TYW1: variants seen among roughly 807,000 people sequenced by gnomAD.
TYW1 encodes the protein S-adenosyl-L-methionine-dependent tRNA 4-demethylwyosine synthase TYW1.
A neutral mutation model predicts 96.2 loss-of-function variants in TYW1; 46 were observed. The observed-to-expected ratio is 0.48, with a 90% CI of 0.38 to 0.61. The LOEUF is 0.61. Ranked by LOEUF, TYW1 falls within the 20% of genes least tolerant of loss-of-function variation. The pLI, the probability that TYW1 is intolerant of heterozygous loss-of-function variation, is 0.00. For synonymous variants in TYW1, 274 were observed against 323.0 expected, an observed-to-expected ratio of 0.85 and a Z score of 1.63; for missense variants, 684 against 909.6, an observed-to-expected ratio of 0.75 and a Z score of 3.19.
chr7:67,217,286 A>T (rs1163685029), intron 15 of TYW1, among the ~76,000 whole-genome samples: 1 of 151,940 alleles, frequency 6.6e-6, no homozygotes, highest in South Asian at 2.1e-4. Flanking sequence ...CAGTTTGTCT[A>T]TTCTTTCTTT....
chr7:67,125,507 C>T (rs1797885858), intron 13 of TYW1, among the ~76,000 whole-genome samples: 1 of 152,084 alleles, frequency 6.6e-6, no homozygotes, highest in Non-Finnish European at 1.5e-5. Flanking sequence ...TACATTACCT[C>T]CTTATCAACA....
chr7:67,123,161 A>G (rs1797811320), intron 13 of TYW1, among the ~76,000 whole-genome samples: 2 of 152,076 alleles, frequency 1.3e-5, no homozygotes, highest in African/African-American at 2.4e-5. Flanking sequence ...GCCAAAGTCT[A>G]TTCTTGAGCC....
chr7:67,108,807 T>C (rs7782527), intron 12 of TYW1, among the ~76,000 whole-genome samples: 44,598 of 151,880 alleles, frequency 0.29, 7,310 homozygotes, highest in African/African-American at 0.44. Flanking sequence ...GGCCATTTGC[T>C]GAACATTATA....
At chr7:67,060,013 T>A (rs1795645698) in intron 9 of TYW1, among the ~76,000 whole-genome samples, 1 of 151,852 alleles carries the variant, frequency 6.6e-6, no homozygotes. Context: ...TCTCAAGTGA[T>A]CTACCTGCCT....
intron 7 of TYW1, among the ~76,000 whole-genome samples, chr7:67,029,407 G>GTATATATATACATATATATATATATACA (rs1453768398): frequency 1.0e-5 from 1 of 96,228 alleles, no homozygotes. Flanking sequence ...GTGTGTGTGT[G>GTATATATATACATATATATATATATACA]TGTGTGTGTA....
intron 13 of TYW1, among the ~76,000 whole-genome samples, chr7:67,182,267 A>G (rs974940616): frequency 6.6e-6 from 1 of 152,114 alleles, no homozygotes; most frequent in Non-Finnish European, 1.5e-5. Context: ...GTCTAATTAC[A>G]TTTTCAGAAA....
chr7:67,111,198 T>G (rs1273320025), intron 12 of TYW1, among the ~76,000 whole-genome samples: 1 of 152,012 alleles, frequency 6.6e-6, no homozygotes, highest in African/African-American at 2.4e-5. Context: ...CAGGAAAGCA[T>G]TTTCTTATCC....
chr7:67,215,172 C>T (rs1801162983), intron 15 of TYW1, among the ~76,000 whole-genome samples: 1 of 150,950 alleles, frequency 6.6e-6, no homozygotes, highest in Admixed American at 6.6e-5. Flanking sequence ...CTCCACCTGT[C>T]TGTCTGTCTT....
chr7:67,083,519 A>G lies in TYW1; in HGVS notation c.1364A>G (p.Asn455Ser), dbSNP rs201557131. 1.8e-5 allele frequency: 29 copies of G among 1,614,162 alleles called. No individual in the cohort carries two copies. In the East Asian group the frequency reaches 6.2e-4, roughly 35 times the overall value. Residue 455 changes from asparagine (N) to serine (S), a missense_variant, in exon 11 of 16, where the codon AAC becomes AGC. Physicochemically the swap from Asn to Ser is conservative, Grantham distance 46 (BLOSUM62 1). Coordinates refer to ENST00000359626, the MANE Select transcript of TYW1 (RefSeq NM_018264.4). ...ILKEAIENHQNMIKQFKGVPG... is the reference protein window; with the variant it reads ...ILKEAIENHQSMIKQFKGVPG... ...AAGGAAGCCATTGAAAACCATCAGA[A>G]CATGATTAAGCAGTTTAAAGGTATT...
intron 13 of TYW1, among the ~76,000 whole-genome samples, chr7:67,159,795 T>TTTTATTTTA (rs1554380275): frequency 0.24 from 35,511 of 149,174 alleles, 4,414 homozygotes; most frequent in South Asian, 0.29. Flanking sequence ...TTTTATTTTA[T>TTTTATTTTA]TTTATTTATT....
chr7:67,020,572 A>C (rs10807708), intron 6 of TYW1, among the ~76,000 whole-genome samples: 152,380 of 152,398 alleles, frequency 1, 76,181 homozygotes, highest in Non-Finnish European at 1. Context: ...GACCATGTTA[A>C]CCTCCTGTTT....
chr7:67,055,990 T>A, intron 9 of TYW1, 103 bp downstream of exon 9: 1 of 885,692 alleles, frequency 1.1e-6, no homozygotes, highest in Non-Finnish European at 1.7e-6. Flanking sequence ...ATAATTTACA[T>A]TTAATTTGCA....
At chr7:67,208,278 G>A (rs965014997) in intron 15 of TYW1, among the ~76,000 whole-genome samples, 1 of 152,062 alleles carries the variant, frequency 6.6e-6, no homozygotes, top group African/African-American at 2.4e-5. Context: ...CAGAGATTGT[G>A]CCACCGCACC....
At chr7:67,033,623 C>G (rs1794737457) in intron 7 of TYW1, among the ~76,000 whole-genome samples, 1 of 151,956 alleles carries the variant, frequency 6.6e-6, no homozygotes, top group South Asian at 2.1e-4. Context: ...CCAACATTCT[C>G]TAGAGAAATC....
chr7:67,036,212 C>T (rs1283729047), intron 7 of TYW1, among the ~76,000 whole-genome samples: 2 of 150,416 alleles, frequency 1.3e-5, no homozygotes, highest in African/African-American at 4.8e-5. Flanking sequence ...CCCTCCCTCC[C>T]CAAGGTTTCT....
chr7:67,085,613 A>G (rs1023665989), intron 11 of TYW1, among the ~76,000 whole-genome samples: 1 of 152,158 alleles, frequency 6.6e-6, no homozygotes, highest in African/African-American at 2.4e-5. Context: ...TCTCATTTTT[A>G]TGAGAAATGG....
intron 12 of TYW1, among the ~76,000 whole-genome samples, chr7:67,107,632 A>T (rs1488009720): frequency 6.6e-6 from 1 of 152,188 alleles, no homozygotes; most frequent in African/African-American, 2.4e-5. Context: ...GTGAGATAAG[A>T]CATGAAACAT....
At chr7:67,126,474 A>G (rs1485894810) in intron 13 of TYW1, among the ~76,000 whole-genome samples, 2 of 152,096 alleles carry the variant, frequency 1.3e-5, no homozygotes, top group Non-Finnish European at 2.9e-5. Flanking sequence ...AAAAATGTTT[A>G]ATACTTACCA....
At chr7:67,104,672 G>C (rs1797185396) in intron 12 of TYW1, among the ~76,000 whole-genome samples, 1 of 152,190 alleles carries the variant, frequency 6.6e-6, no homozygotes, top group African/African-American at 2.4e-5. Context: ...TGTGGATGCT[G>C]TGTAGAAGCA....
Sources: allele counts gnomAD v4.1 joint callset (sites outside exome capture counted in the v4.1 genomes callset), GRCh38; gene constraint gnomAD v4.1.1; transcripts MANE v1.5; gene names NCBI Gene and HGNC (gene_info 2026-07-23, HGNC 2026-07-21).